Variants in CYB5R4 observed in about 807,000 individuals in gnomAD.
CYB5R4 encodes N-terminal cytochrome b5 and cytochrome b5 oxidoreductase domain-containing protein.
In CYB5R4, 55 loss-of-function variants were observed where a neutral mutation model predicts 70.2. The ratio of observed to expected loss-of-function variants is 0.78; its 90% CI spans 0.63 to 0.98. The LOEUF (loss-of-function observed/expected upper bound fraction) is 0.98, where lower values mean the gene tolerates loss of function less well. Among genes scored for constraint, CYB5R4 ranks in the 50% least tolerant of loss-of-function variants. The pLI is 0.00. For missense variants in CYB5R4, 562 were observed against 612.6 expected, an observed-to-expected ratio of 0.92 and a Z score of 0.87; for synonymous variants, 197 against 199.5, an observed-to-expected ratio of 0.99 and a Z score of 0.11.
chr6:83,903,648 C>G (rs1219000428), intron 3 of CYB5R4, among the ~76,000 whole-genome samples: 1 of 151,862 alleles, frequency 6.6e-6, no homozygotes, highest in African/African-American at 2.4e-5. Context: ...TACAGTGAAT[C>G]CATCTAGTCC....
At chr6:83,918,804 G>A (rs1173679451) in intron 6 of CYB5R4, among the ~76,000 whole-genome samples, 1 of 151,886 alleles carries the variant, frequency 6.6e-6, no homozygotes, top group Non-Finnish European at 1.5e-5. Context: ...TCTAATATCA[G>A]CATCCTGCTA....
intron 2 of CYB5R4, among the ~76,000 whole-genome samples, chr6:83,868,259 A>G (rs1011744467): frequency 3.9e-5 from 6 of 152,158 alleles, no homozygotes; most frequent in African/African-American, 1.4e-4. Flanking sequence ...AACTGATCAC[A>G]ATGTGGGAGA....
chr6:83,901,310 G>A (rs1178839081), intron 3 of CYB5R4, among the ~76,000 whole-genome samples: 2 of 152,210 alleles, frequency 1.3e-5, no homozygotes, highest in African/African-American at 4.8e-5. Context: ...CTTCTGGCTT[G>A]TAGAGTTTCT....
chr6:83,912,948 A>G (rs2099464920), intron 4 of CYB5R4, among the ~76,000 whole-genome samples: 1 of 152,192 alleles, frequency 6.6e-6, no homozygotes, highest in Admixed American at 6.5e-5. Context: ...ATTCAAATCT[A>G]TTCATATCAG....
At chr6:83,880,132 A>G (rs549720092) in intron 2 of CYB5R4, among the ~76,000 whole-genome samples, 10 of 152,322 alleles carry the variant, frequency 6.6e-5, no homozygotes, top group African/African-American at 2.4e-4. Flanking sequence ...ACGTAATTGT[A>G]CATATTTATG....
intron 3 of CYB5R4, among the ~76,000 whole-genome samples, chr6:83,901,148 G>A (rs1379436941): frequency 2.6e-5 from 4 of 152,138 alleles, no homozygotes; most frequent in Non-Finnish European, 5.9e-5. Context: ...AGCTCTTTTA[G>A]GGCAGGCCTG....
chr6:83,892,103 A>G (rs2099461205), intron 2 of CYB5R4, among the ~76,000 whole-genome samples: 1 of 152,156 alleles, frequency 6.6e-6, no homozygotes, highest in African/African-American at 2.4e-5. Context: ...AAATTCTTCT[A>G]AATCTTGTGG....
At chr6:83,944,538 A>G (rs1444514563) in intron 14 of CYB5R4, among the ~76,000 whole-genome samples, 1 of 152,216 alleles carries the variant, frequency 6.6e-6, no homozygotes, top group African/African-American at 2.4e-5. Flanking sequence ...TAATAGGCAA[A>G]ATAACCAGCT....
intron 2 of CYB5R4, among the ~76,000 whole-genome samples, chr6:83,887,799 GGATA>G (rs1254328697): frequency 3.5e-4 from 53 of 152,032 alleles, no homozygotes; most frequent in African/African-American, 1.3e-3. Context: ...GTGGGTGAAT[GGATA>G]GATGGATGGA....
intron 14 of CYB5R4, among the ~76,000 whole-genome samples, chr6:83,954,946 G>GTGT (rs1296556456): frequency 6.7e-6 from 1 of 149,602 alleles, no homozygotes; most frequent in African/African-American, 2.4e-5. Flanking sequence ...AGGTCTCACT[G>GTGT]TGTTGCCCAG....
At chr6:83,945,584 A>T (rs2099470450) in intron 14 of CYB5R4, among the ~76,000 whole-genome samples, 1 of 152,220 alleles carries the variant, frequency 6.6e-6, no homozygotes, top group South Asian at 2.1e-4. Flanking sequence ...AGAAAAATGT[A>T]AGGAGATAGA....
At chr6:83,900,561 G>A (rs1458479257) in intron 3 of CYB5R4, among the ~76,000 whole-genome samples, 1 of 151,780 alleles carries the variant, frequency 6.6e-6, no homozygotes, top group African/African-American at 2.4e-5. Context: ...AATGTTGACA[G>A]TAGGGTGTTA....
intron 12 of CYB5R4, 74 bp downstream of exon 12, chr6:83,936,450 G>C: frequency 1.5e-6 from 2 of 1,303,634 alleles, no homozygotes; most frequent in South Asian, 2.6e-5. Flanking sequence ...TTATCTCCAT[G>C]TAGGAGTCTA....
At chr6:83,864,630 T>C (rs2099456465) in intron 2 of CYB5R4, among the ~76,000 whole-genome samples, 1 of 152,184 alleles carries the variant, frequency 6.6e-6, no homozygotes, top group African/African-American at 2.4e-5. Context: ...AATTATTTGG[T>C]AAAATCCAGT....
At chr6:83,867,810 G>A (rs73493148) in intron 2 of CYB5R4, among the ~76,000 whole-genome samples, 4,347 of 152,262 alleles carry the variant, frequency 0.029, 207 homozygotes, top group African/African-American at 0.098. Flanking sequence ...ATGTGAGCTC[G>A]TGCTTGGCTC....
At chr6:83,931,148 C>T (rs531214883) in intron 10 of CYB5R4, among the ~76,000 whole-genome samples, 41 of 152,322 alleles carry the variant, frequency 2.7e-4, no homozygotes, top group Admixed American at 1.8e-3. Flanking sequence ...ATTGCATCCA[C>T]AACTTGGCTA....
At chr6:83,897,253 T>C (rs960983063) in intron 3 of CYB5R4, among the ~76,000 whole-genome samples, 6 of 152,218 alleles carry the variant, frequency 3.9e-5, no homozygotes, top group South Asian at 2.1e-4. Flanking sequence ...TCCTTTTTTA[T>C]GGCTGCATAG....
At chr6:83,903,459 G>A (rs1174973576) in intron 3 of CYB5R4, among the ~76,000 whole-genome samples, 1 of 151,964 alleles carries the variant, frequency 6.6e-6, no homozygotes, top group African/African-American at 2.4e-5. Context: ...ATGTTTATCA[G>A]TGATATTGTA....
intron 10 of CYB5R4, among the ~76,000 whole-genome samples, chr6:83,931,306 C>T (rs1213198698): frequency 6.6e-6 from 1 of 152,170 alleles, no homozygotes; most frequent in African/African-American, 2.4e-5. Context: ...TTTTTAACTT[C>T]TATAAGCTTC....
Sources: gnomAD v4.1 joint callset for allele counts (sites outside exome capture counted in the v4.1 genomes callset) on GRCh38, gnomAD v4.1.1 for gene constraint, MANE v1.5 for transcripts, NCBI Gene and HGNC (gene_info 2026-07-23, HGNC 2026-07-21) for gene names.